The following GLIS3 variants were observed in gnomAD, a reference collection of about 807,000 sequenced individuals.
The protein encoded by GLIS3 is GLIS family zinc finger 3.
Under a neutral mutation model 78.6 loss-of-function variants are expected in GLIS3, and 53 were observed. The ratio of observed to expected loss-of-function variants is 0.67; its 90% CI spans 0.54 to 0.85. The LOEUF (loss-of-function observed/expected upper bound fraction) is 0.85. Ranked by LOEUF, GLIS3 falls within the 40% of genes least tolerant of loss-of-function variation. The pLI, the probability that GLIS3 is intolerant of heterozygous loss-of-function variation, is 0.00. For missense variants in GLIS3, 1,703 were observed against 1,231.1 expected (o/e 1.38, Z -5.74); for synonymous variants, 684 against 509.9 (o/e 1.34, Z -4.60).
At chr9:4,160,403 A>C (rs1835380535) in intron 2 of GLIS3, among the ~76,000 whole-genome samples, 1 of 152,248 alleles carries the variant, frequency 6.6e-6, no homozygotes, top group Non-Finnish European at 1.5e-5. Context: ...AAATTCCAAA[A>C]GGATCTGATG....
At chr9:4,198,270 C>T (rs1819048641) in intron 2 of GLIS3, among the ~76,000 whole-genome samples, 2 of 152,200 alleles carry the variant, frequency 1.3e-5, no homozygotes, top group South Asian at 4.1e-4. Context: ...TAAGGCAATC[C>T]AGGAAATGAA....
chr9:4,369,879 GAGAGATAGCAAAAGGAATTCA>G, the GLIS3 span, among the ~76,000 whole-genome samples: 1 of 152,130 alleles, frequency 6.6e-6, no homozygotes. Flanking sequence ...GTGGTGAATG[GAGAGATAGCAAAAGGAATTCA>G]AGAGAATCAG....
At chr9:4,437,669 C>T in the GLIS3 span, among the ~76,000 whole-genome samples, 2 of 152,044 alleles carry the variant, frequency 1.3e-5, no homozygotes, top group Non-Finnish European at 2.9e-5. Flanking sequence ...AAAAGTTATA[C>T]CAAGTGTGCC....
At chr9:4,365,204 G>C in the GLIS3 span, among the ~76,000 whole-genome samples, 1 of 152,104 alleles carries the variant, frequency 6.6e-6, no homozygotes, top group Non-Finnish European at 1.5e-5. Context: ...AATAGAGATG[G>C]CTTATACCAT....
chr9:4,408,317 T>C, the GLIS3 span, among the ~76,000 whole-genome samples: 3 of 151,828 alleles, frequency 2.0e-5, no homozygotes, highest in Non-Finnish European at 2.9e-5. Context: ...TGCACTCCCA[T>C]GTTTGTTGCA....
At chr9:4,036,746 T>C (rs1269853752) in intron 4 of GLIS3, among the ~76,000 whole-genome samples, 1 of 152,192 alleles carries the variant, frequency 6.6e-6, no homozygotes, top group African/African-American at 2.4e-5. Flanking sequence ...TTACTAGTTG[T>C]TCATAGAACA....
chr9:3,913,428 A>T (rs544830424), intron 6 of GLIS3, among the ~76,000 whole-genome samples: 1 of 152,326 alleles, frequency 6.6e-6, no homozygotes, highest in East Asian at 1.9e-4. Context: ...CATGGGCTTT[A>T]ACATGCTGGC....
chr9:4,423,301 C>T, the GLIS3 span, among the ~76,000 whole-genome samples: 1 of 152,156 alleles, frequency 6.6e-6, no homozygotes, highest in Non-Finnish European at 1.5e-5. Flanking sequence ...AAACTAAACT[C>T]CACCACACGG....
chr9:4,155,489 G>A (rs571367967), intron 2 of GLIS3, among the ~76,000 whole-genome samples: 13 of 152,270 alleles, frequency 8.5e-5, no homozygotes, highest in South Asian at 2.1e-4. Flanking sequence ...AATATTTAGC[G>A]TATTTGTTTT....
At chr9:4,056,480 T>G (rs10974304) in intron 4 of GLIS3, among the ~76,000 whole-genome samples, 2 of 152,144 alleles carry the variant, frequency 1.3e-5, no homozygotes, top group South Asian at 2.1e-4. Context: ...TGGAATACCT[T>G]TGGGAGAGGT....
chr9:4,409,571 A>G, the GLIS3 span, among the ~76,000 whole-genome samples: 325 of 152,306 alleles, frequency 2.1e-3, 8 homozygotes, highest in Admixed American at 0.019. Flanking sequence ...GAACATACAC[A>G]ATGAGAATGA....
chr9:4,254,381 A>C (rs1415171230), intron 2 of GLIS3, among the ~76,000 whole-genome samples: 1 of 152,210 alleles, frequency 6.6e-6, no homozygotes, highest in African/African-American at 2.4e-5. Flanking sequence ...AATTTTTTAA[A>C]AGACTGAATA....
intron 1 of GLIS3, among the ~76,000 whole-genome samples, chr9:4,292,884 A>G (rs1464197727): frequency 6.6e-6 from 1 of 152,202 alleles, no homozygotes; most frequent in East Asian, 1.9e-4. Context: ...TCAGATTCTG[A>G]AAAGAGGAAT....
rs373009299 is a variant in GLIS3 at position 3,829,320 on chromosome 9, C to G, written c.2646G>C (p.Ser882=). 12 of 1,613,722 alleles carry G rather than the reference C, an allele frequency of 7.4e-6. No homozygotes were observed. The highest frequency in any genetic ancestry group is 3.3e-5 in the Admixed American group (2 of 59,982). Residue 882 remains serine (S), a synonymous_variant, in exon 10 of 11, where the codon TCG becomes TCC. Coordinates refer to ENST00000381971, the MANE Select transcript of GLIS3 (RefSeq NM_001042413.2). ...AGACAACCAACACACCTGTAATGCC[C>G]GAGTGAGTCGAGAAGGCTCTGTGGA... ...DVFHRAFSTH[S]GITVYDLPSS... is the part of the protein sequence containing the mutation.
chr9:4,366,040 T>C, the GLIS3 span, among the ~76,000 whole-genome samples: 1 of 152,162 alleles, frequency 6.6e-6, no homozygotes, highest in Non-Finnish European at 1.5e-5. Context: ...CCGTTGAAAA[T>C]GCTTCGGTGG....
intron 2 of GLIS3, among the ~76,000 whole-genome samples, chr9:4,255,051 C>T (rs1027701198): frequency 2.6e-5 from 4 of 152,162 alleles, no homozygotes; most frequent in African/African-American, 7.2e-5. Flanking sequence ...AAAAAATAGG[C>T]TAAAGACCTT....
intron 2 of GLIS3, among the ~76,000 whole-genome samples, chr9:4,185,627 G>C (rs1201290430): frequency 6.6e-6 from 1 of 152,142 alleles, no homozygotes; most frequent in East Asian, 1.9e-4. Context: ...GGTTTAATAA[G>C]GGGACTAAAT....
At chr9:4,093,922 G>A (rs1829728328) in intron 4 of GLIS3, among the ~76,000 whole-genome samples, 1 of 152,068 alleles carries the variant, frequency 6.6e-6, no homozygotes, top group Admixed American at 6.5e-5. Flanking sequence ...CTCAGAAACT[G>A]TGGAATTGTA....
At chr9:4,227,211 G>A (rs1264449732) in intron 2 of GLIS3, among the ~76,000 whole-genome samples, 1 of 151,286 alleles carries the variant, frequency 6.6e-6, no homozygotes. Context: ...TCGGTTGGGT[G>A]TTCCATCCTG....
Sources: gnomAD v4.1 joint callset for allele counts (sites outside exome capture counted in the v4.1 genomes callset) on GRCh38, gnomAD v4.1.1 for gene constraint, MANE v1.5 for transcripts, NCBI Gene and HGNC (gene_info 2026-07-23, HGNC 2026-07-21) for gene names.